Variants in TICAM1 observed in about 807,000 individuals in gnomAD.
The protein encoded by TICAM1 is TIR domain-containing adapter molecule 1.
For missense variants in TICAM1, 895 were observed against 938.2 expected (o/e 0.95, Z 0.60); for synonymous variants, 439 against 415.4 (o/e 1.06, Z -0.69).
chr19:4,831,393 C>T (rs1214089613), intron 1 of TICAM1, among the ~76,000 whole-genome samples: 2 of 145,748 alleles, frequency 1.4e-5, no homozygotes, highest in Non-Finnish European at 3.0e-5. Context: ...GGGAGGATCC[C>T]GACAGTGGGG....
At chr19:4,828,939 G>A (rs2093609837) in intron 1 of TICAM1, among the ~76,000 whole-genome samples, 1 of 152,028 alleles carries the variant, frequency 6.6e-6, no homozygotes, top group South Asian at 2.1e-4. Flanking sequence ...TTGATCTCGT[G>A]ATCCGCCTGC....
chr19:4,823,497 T>C lies in TICAM1; in HGVS notation c.-139-4981A>G, dbSNP rs540248768. 8.8e-4 allele frequency among the ~76,000 whole-genome samples: 120 copies of C among 136,062 alleles called. 1 individual carries two copies. The highest frequency in any genetic ancestry group is 2.0e-4 in the Non-Finnish European group (13 of 65,488). 89.3% of individuals were successfully genotyped at this position (136,062 alleles called of 152,430 possible). ...AAAAAAAAAAAAAATTAGCCAGGCA[T>C]GGTGGCATGCGCCTGAAATCCCAGC... On this transcript the variant is annotated intron_variant, in intron 1 of 1. Coordinates refer to ENST00000248244, the MANE Select transcript of TICAM1 (RefSeq NM_182919.4).
intron 1 of TICAM1, among the ~76,000 whole-genome samples, chr19:4,820,630 T>G (rs1207284554): frequency 6.6e-6 from 1 of 151,744 alleles, no homozygotes; most frequent in East Asian, 1.9e-4. Flanking sequence ...TTTGGGAGGC[T>G]GAGGCAGGTG....
In TICAM1 at chr19:4,817,178, G is replaced by A; in HGVS notation, c.1200C>T (p.Leu400=). ...SEQKFYNFVI[L]HARADEHIAL... ...CGATGTGTTCGTCTGCCCTGGCGTG[G>A]AGGATCACAAAGTTATAGAATTTCT... Residue 400 remains leucine, a synonymous_variant, in exon 2 of 2, where the codon CTC becomes CTT. Coordinates refer to ENST00000248244, the MANE Select transcript of TICAM1 (RefSeq NM_182919.4). This position sits in a 1 kb window ranked among gnomAD's most constrained non-coding sequence, Gnocchi z 4.7. The A allele has an allele frequency of 6.2e-7, 1 of 1,614,184 alleles. No homozygotes were observed.
chr19:4,819,688 C>G (rs1005908382), intron 1 of TICAM1, among the ~76,000 whole-genome samples: 5 of 151,876 alleles, frequency 3.3e-5, no homozygotes, highest in Non-Finnish European at 7.4e-5. Flanking sequence ...GCCTGGCCAA[C>G]ATGGTGAAAC....
chr19:4,823,337 C>T (rs915556528), intron 1 of TICAM1, among the ~76,000 whole-genome samples: 20 of 151,966 alleles, frequency 1.3e-4, no homozygotes, highest in Non-Finnish European at 1.9e-4. Context: ...TGGTGGCGGG[C>T]GCCTGTAGTC....
chr19:4,829,528 C>T (rs2093610891), intron 1 of TICAM1, among the ~76,000 whole-genome samples: 3 of 152,078 alleles, frequency 2.0e-5, no homozygotes, highest in Admixed American at 1.3e-4. Flanking sequence ...CAAAAACACC[C>T]ATGGGGTAGG....
intron 1 of TICAM1, among the ~76,000 whole-genome samples, chr19:4,823,001 T>C (rs2093600140): frequency 6.6e-6 from 1 of 152,158 alleles, no homozygotes. Flanking sequence ...TTGGTGTTTT[T>C]GTTTGTTTGT....
chr19:4,818,775 G>A lies in TICAM1; in HGVS notation c.-139-259C>T, dbSNP rs2093592361. Among the ~76,000 whole-genome samples, 1 of 152,138 alleles carries A rather than the reference G, an allele frequency of 6.6e-6. No individual in the cohort carries two copies. The highest frequency in any genetic ancestry group is 6.6e-5 in the Admixed American group (1 of 15,246). On this transcript the variant is annotated intron_variant, in intron 1 of 1. Coordinates refer to ENST00000248244, the MANE Select transcript of TICAM1 (RefSeq NM_182919.4). This position sits in a 1 kb window ranked among gnomAD's most constrained non-coding sequence, Gnocchi z 4.0. ...ACTTAAGCCCAGGACTTCGAGACCA[G>A]CCTGGGCAACACAGCCAGACTCCGT...
Sources: allele counts gnomAD v4.1 joint callset (sites outside exome capture counted in the v4.1 genomes callset), GRCh38; gene constraint gnomAD v4.1.1; non-coding constraint Gnocchi (gnomAD v3.1); transcripts MANE v1.5; gene names NCBI Gene and HGNC (gene_info 2026-07-23, HGNC 2026-07-21).